Variants in SH3BGRL2 observed in about 807,000 individuals in gnomAD.
The protein encoded by SH3BGRL2 is SH3 domain binding glutamate rich protein like 2.
A neutral mutation model predicts 14.8 loss-of-function variants in SH3BGRL2; 21 were observed. That is an observed-to-expected ratio of 1.42 (90% CI 1.01 to 2.05). The LOEUF (loss-of-function observed/expected upper bound fraction) is 2.05. Among genes scored for constraint, SH3BGRL2 ranks in the 30% most tolerant of loss-of-function variants. The pLI, the probability that SH3BGRL2 is intolerant of heterozygous loss-of-function variation, is 0.00. For synonymous variants in SH3BGRL2, 50 were observed against 47.8 expected (o/e 1.05, Z -0.19); for missense variants, 147 against 130.8 (o/e 1.12, Z -0.61).
chr6:79,574,321 G>C, the SH3BGRL2 span: 1 of 152,300 alleles, frequency 6.6e-6, no homozygotes, highest in South Asian at 2.1e-4. Context: ...AATGAGGTTT[G>C]TTTGCAGATT....
At chr6:79,669,691 C>T (rs978788370) in intron 1 of SH3BGRL2, among the ~76,000 whole-genome samples, 1 of 152,088 alleles carries the variant, frequency 6.6e-6, no homozygotes, top group African/African-American at 2.4e-5. Context: ...GTGATCCCCC[C>T]ACCTCAGACT....
chr6:79,674,243 C>T (rs1401430511), intron 2 of SH3BGRL2, among the ~76,000 whole-genome samples: 2 of 151,904 alleles, frequency 1.3e-5, no homozygotes, highest in Non-Finnish European at 2.9e-5. Flanking sequence ...TTTGAATATC[C>T]CTTTATGGTA....
intron 1 of SH3BGRL2, among the ~76,000 whole-genome samples, chr6:79,639,628 A>AAATACTTTATTT (rs1329831382): frequency 1.3e-5 from 2 of 152,096 alleles, no homozygotes; most frequent in African/African-American, 2.4e-5. Context: ...CCAACAACAA[A>AAATACTTTATTT]AATACTTTAT....
At chr6:79,556,435 T>TC in the SH3BGRL2 span, among the ~76,000 whole-genome samples, 2 of 152,122 alleles carry the variant, frequency 1.3e-5, no homozygotes, top group African/African-American at 2.4e-5. Context: ...TTAGAAAACT[T>TC]TAAAAAATTA....
At chr6:79,582,720 C>A in the SH3BGRL2 span, among the ~76,000 whole-genome samples, 1 of 152,156 alleles carries the variant, frequency 6.6e-6, no homozygotes, top group Non-Finnish European at 1.5e-5. Context: ...AGGACATAGG[C>A]ATGGGCAAGG....
chr6:79,576,395 A>G, the SH3BGRL2 span, among the ~76,000 whole-genome samples: 1 of 152,178 alleles, frequency 6.6e-6, no homozygotes, highest in East Asian at 1.9e-4. Context: ...GAAAATGTCT[A>G]CATTTCATCA....
At chr6:79,592,800 C>T in the SH3BGRL2 span, among the ~76,000 whole-genome samples, 1 of 152,046 alleles carries the variant, frequency 6.6e-6, no homozygotes, top group Admixed American at 6.6e-5. Flanking sequence ...GAGGTAGGTC[C>T]TATTATTATT....
the SH3BGRL2 span, among the ~76,000 whole-genome samples, chr6:79,589,207 T>TATGTA: frequency 9.5e-6 from 1 of 104,934 alleles, no homozygotes; most frequent in African/African-American, 3.4e-5. Flanking sequence ...TATATATATA[T>TATGTA]TTTTTTTTTT....
intron 1 of SH3BGRL2, among the ~76,000 whole-genome samples, chr6:79,649,981 TCTCTCA>T (rs950040902): frequency 9.8e-5 from 9 of 91,892 alleles, no homozygotes; most frequent in Admixed American, 6.3e-4. Flanking sequence ...TCTCTCTCTC[TCTCTCA>T]CACACACACA....
the SH3BGRL2 span, among the ~76,000 whole-genome samples, chr6:79,615,832 C>CTTTTTTTTTTTTTTTTT: frequency 9.2e-6 from 1 of 109,222 alleles, no homozygotes; most frequent in Non-Finnish European, 1.8e-5. Flanking sequence ...TTTTTTCTTT[C>CTTTTTTTTTTTTTTTTT]TTTTTTTTTT....
At chr6:79,546,779 G>T in the SH3BGRL2 span, among the ~76,000 whole-genome samples, 4 of 150,184 alleles carry the variant, frequency 2.7e-5, no homozygotes, top group Admixed American at 6.7e-5. Flanking sequence ...TGTAACCTCC[G>T]CCTGGGTTCA....
chr6:79,696,854 C>A lies in SH3BGRL2; in HGVS notation c.312+289C>A, dbSNP rs185280561. On this transcript the variant is annotated intron_variant, in intron 3 of 3. Coordinates refer to ENST00000369838, the MANE Select transcript of SH3BGRL2 (RefSeq NM_031469.4). Reference sequence around the variant, plus strand: ...TTAAGGTAGCAAAAACTAGTAGGTGCTTTCTGTTTAAAATTGCAAATTTTT... The same window carrying A: ...TTAAGGTAGCAAAAACTAGTAGGTGATTTCTGTTTAAAATTGCAAATTTTT... Among the ~76,000 whole-genome samples, 92 of 152,078 alleles carry A rather than the reference C, an allele frequency of 6.0e-4. 1 individual carries two copies. The highest frequency in any genetic ancestry group is 9.1e-4 in the Non-Finnish European group (62 of 67,962).
the SH3BGRL2 span, among the ~76,000 whole-genome samples, chr6:79,602,924 A>G: frequency 6.6e-6 from 1 of 152,190 alleles, no homozygotes; most frequent in Non-Finnish European, 1.5e-5. Flanking sequence ...CTTCTGAGAC[A>G]GAGTGGTTAG....
At chr6:79,597,953 T>A in the SH3BGRL2 span, among the ~76,000 whole-genome samples, 1 of 152,204 alleles carries the variant, frequency 6.6e-6, no homozygotes, top group African/African-American at 2.4e-5. Context: ...AGGATCTGAA[T>A]GGGCATATTT....
intron 1 of SH3BGRL2, among the ~76,000 whole-genome samples, chr6:79,666,191 C>T (rs976220969): frequency 6.6e-6 from 1 of 152,172 alleles, no homozygotes; most frequent in Non-Finnish European, 1.5e-5. Context: ...GCCTGCCTTG[C>T]TGGGATTCTC....
chr6:79,624,121 A>G, the SH3BGRL2 span, among the ~76,000 whole-genome samples: 2 of 152,088 alleles, frequency 1.3e-5, no homozygotes, highest in African/African-American at 2.4e-5. Context: ...TAAAACCAAT[A>G]TGTAGAGTAT....
the SH3BGRL2 span, among the ~76,000 whole-genome samples, chr6:79,541,425 T>A: frequency 6.6e-6 from 1 of 152,274 alleles, no homozygotes; most frequent in African/African-American, 2.4e-5. Context: ...TGGATCCAAG[T>A]GCTCAATGTT....
chr6:79,634,216 G>T (rs1481026179), intron 1 of SH3BGRL2, among the ~76,000 whole-genome samples: 1 of 152,180 alleles, frequency 6.6e-6, no homozygotes, highest in Non-Finnish European at 1.5e-5. Flanking sequence ...AAGCTCTCCA[G>T]CTTCAGCAGT....
chr6:79,618,631 G>C, the SH3BGRL2 span, among the ~76,000 whole-genome samples: 1 of 151,326 alleles, frequency 6.6e-6, no homozygotes, highest in Non-Finnish European at 1.5e-5. Context: ...ATTTGAACCC[G>C]GGAGGTGGAG....
Sources: allele counts gnomAD v4.1 joint callset (sites outside exome capture counted in the v4.1 genomes callset), GRCh38; gene constraint gnomAD v4.1.1; transcripts MANE v1.5; gene names NCBI Gene and HGNC (gene_info 2026-07-23, HGNC 2026-07-21).